The following LRP1B variants were observed in gnomAD, a reference collection of about 807,000 sequenced individuals.
LRP1B encodes the protein low-density lipoprotein receptor-related protein 1B.
A neutral mutation model predicts 556.6 loss-of-function variants in LRP1B; 217 were observed. That is an observed-to-expected ratio of 0.39 (90% CI 0.35 to 0.44). The LOEUF (loss-of-function observed/expected upper bound fraction) is 0.44, where lower values mean the gene tolerates loss of function less well. Ranked by LOEUF, LRP1B falls within the 20% of genes least tolerant of loss-of-function variation. The probability of loss-of-function intolerance (pLI) is 1.00; values close to 1 mark genes in which losing one functional copy is unlikely to be tolerated. For missense variants in LRP1B, 5,053 were observed against 5,620.8 expected, an observed-to-expected ratio of 0.90 and a Z score of 3.23; for synonymous variants, 2,047 against 1,865.8, an observed-to-expected ratio of 1.10 and a Z score of -2.50.
chr2:141,237,987 A>G (rs1387405311), intron 5 of LRP1B, among the ~76,000 whole-genome samples: 2 of 152,192 alleles, frequency 1.3e-5, no homozygotes, highest in African/African-American at 4.8e-5. Flanking sequence ...TTGTAAAATA[A>G]TAAGGTATTT....
intron 1 of LRP1B, among the ~76,000 whole-genome samples, chr2:142,017,951 C>T (rs7567293): frequency 0.9 from 134,979 of 149,814 alleles, 61,323 homozygotes; most frequent in Non-Finnish European, 0.96. Context: ...TCTACTGACA[C>T]GCTCTTTTTT....
At chr2:141,860,818 T>C (rs979044910) in intron 1 of LRP1B, among the ~76,000 whole-genome samples, 12 of 152,198 alleles carry the variant, frequency 7.9e-5, no homozygotes, top group African/African-American at 2.7e-4. Flanking sequence ...TATGTATCAT[T>C]ACACTTCATC....
At chr2:140,450,531 C>G (rs2105313579) in intron 63 of LRP1B, 37 bp downstream of exon 63, 1 of 1,486,470 alleles carries the variant, frequency 6.7e-7, no homozygotes, top group African/African-American at 1.4e-5. Flanking sequence ...ATAAGGAACT[C>G]TAAATTCTAA....
chr2:140,590,607 A>G (rs1016637819), intron 43 of LRP1B, among the ~76,000 whole-genome samples: 1 of 151,816 alleles, frequency 6.6e-6, no homozygotes, highest in Non-Finnish European at 1.5e-5. Flanking sequence ...GTCCCCATGC[A>G]CATCAAGGGA....
At chr2:140,569,724 A>G (rs1681252329) in intron 43 of LRP1B, among the ~76,000 whole-genome samples, 1 of 151,916 alleles carries the variant, frequency 6.6e-6, no homozygotes, top group Non-Finnish European at 1.5e-5. Context: ...CATTTTATGC[A>G]ACAGCTACAG....
At chr2:140,333,468 A>G (rs1240066647) in intron 79 of LRP1B, among the ~76,000 whole-genome samples, 2 of 152,118 alleles carry the variant, frequency 1.3e-5, no homozygotes, top group African/African-American at 4.8e-5. Flanking sequence ...TTGTTAAAGC[A>G]TGGGATGAAA....
At chr2:141,866,160 T>C (rs1698408249) in intron 1 of LRP1B, among the ~76,000 whole-genome samples, 1 of 152,214 alleles carries the variant, frequency 6.6e-6, no homozygotes, top group Admixed American at 6.5e-5. Context: ...GCTCCAGATA[T>C]GCTTACTTTT....
chr2:140,392,717 C>A (rs2105212851), intron 66 of LRP1B, among the ~76,000 whole-genome samples: 1 of 152,142 alleles, frequency 6.6e-6, no homozygotes, highest in Admixed American at 6.6e-5. Context: ...ACATGTGATT[C>A]AGAATATAGG....
At chr2:140,834,394 CA>C (rs1031979203) in intron 31 of LRP1B, among the ~76,000 whole-genome samples, 5 of 152,190 alleles carry the variant, frequency 3.3e-5, no homozygotes, top group African/African-American at 1.2e-4. Flanking sequence ...CGCATGCCAT[CA>C]TTCCCAGCTA....
intron 1 of LRP1B, among the ~76,000 whole-genome samples, chr2:141,902,045 A>G (rs950854706): frequency 7.7e-6 from 1 of 129,622 alleles, no homozygotes; most frequent in African/African-American, 2.8e-5. Context: ...TTTAGTGATA[A>G]TCATGAAAAA....
chr2:140,389,577 T>C (rs1042617943), intron 66 of LRP1B, among the ~76,000 whole-genome samples: 1 of 150,830 alleles, frequency 6.6e-6, no homozygotes, highest in Non-Finnish European at 1.5e-5. Flanking sequence ...AATTTATATA[T>C]GATTTTTATA....
intron 18 of LRP1B, among the ~76,000 whole-genome samples, chr2:140,976,399 T>C (rs1170081365): frequency 6.6e-6 from 1 of 151,552 alleles, no homozygotes; most frequent in African/African-American, 2.4e-5. Flanking sequence ...TCCTACTATC[T>C]ACATGGTTAT....
chr2:140,905,238 C>A (rs1472522125), intron 22 of LRP1B, among the ~76,000 whole-genome samples: 1 of 151,966 alleles, frequency 6.6e-6, no homozygotes, highest in Non-Finnish European at 1.5e-5. Flanking sequence ...CTCCCCAAGC[C>A]CCTGGGCCAC....
chr2:141,272,135 T>C (rs1268685156), intron 3 of LRP1B, among the ~76,000 whole-genome samples: 2 of 152,056 alleles, frequency 1.3e-5, no homozygotes, highest in African/African-American at 4.8e-5. Flanking sequence ...TATGTATTAT[T>C]GGGTTTATAA....
chr2:140,231,881 A>G lies in LRP1B; in HGVS notation c.*1305T>C, dbSNP rs1001303818. 1 of 151,844 alleles carries G rather than the reference A, an allele frequency of 6.6e-6. No individual in the cohort carries two copies. Among genetic ancestry groups the G allele is most frequent in the Non-Finnish European group, 1.5e-5 (1 of 67,590 alleles). The allele number at this position is 151,844 out of a possible 1,614,324, so 9.4% of individuals were successfully genotyped here. On this transcript the variant is annotated 3_prime_UTR_variant, in exon 91 of 91. Transcript: ENST00000389484. ...TTGTGAATAAATCTTTTGTGCCTTT[A>G]AAGATATTTGTATAAAAATGCTATC...
intron 66 of LRP1B, among the ~76,000 whole-genome samples, chr2:140,430,504 A>G (rs1181439373): frequency 6.6e-6 from 1 of 152,160 alleles, no homozygotes; most frequent in Non-Finnish European, 1.5e-5. Context: ...GCTCTAGGCA[A>G]TGCTTATGCT....
chr2:140,401,053 A>G (rs1391473267), intron 66 of LRP1B, among the ~76,000 whole-genome samples: 1 of 152,068 alleles, frequency 6.6e-6, no homozygotes, highest in African/African-American at 2.4e-5. Context: ...TAACTATCTC[A>G]AGCAGTGGCC....
rs1209372196 is a variant in LRP1B, at chr2:141,300,117, C to T, written c.344-45476G>A. Among the ~76,000 whole-genome samples the T allele has an allele frequency of 2.6e-5, 4 of 152,138 alleles. No homozygotes were observed. In the South Asian group the frequency reaches 8.3e-4, roughly 32 times the overall value. On this transcript the variant is annotated intron_variant, in intron 3 of 90. Coordinates refer to ENST00000389484, the MANE Select transcript of LRP1B (RefSeq NM_018557.3). ...TCAGCAGTCTACAGTCCAGAAGGGG[C>T]CCCACACAATAATCCAATTATGCTA...
At chr2:141,807,479 G>A (rs147544574) in intron 2 of LRP1B, among the ~76,000 whole-genome samples, 1,623 of 152,146 alleles carry the variant, frequency 0.011, 35 homozygotes, top group African/African-American at 0.037. Flanking sequence ...CAATTTTAAT[G>A]TTAGAGGATA....
Sources: allele counts gnomAD v4.1 joint callset (sites outside exome capture counted in the v4.1 genomes callset), GRCh38; gene constraint gnomAD v4.1.1; transcripts MANE v1.5; gene names NCBI Gene and HGNC (gene_info 2026-07-23, HGNC 2026-07-21).